Variants in ZNF777 observed in about 807,000 individuals in gnomAD.
ZNF777 encodes zinc finger protein 777.
A neutral mutation model predicts 72.1 loss-of-function variants in ZNF777; 7 were observed. That is an observed-to-expected ratio of 0.10 (90% confidence interval 0.06 to 0.18). ZNF777 has a LOEUF of 0.18. ZNF777 is among the 10% of genes least tolerant of loss of function. The pLI, the probability that ZNF777 is intolerant of heterozygous loss-of-function variation, is 1.00. For missense variants in ZNF777, 828 were observed against 1,128.6 expected, an observed-to-expected ratio of 0.73 and a Z score of 3.82; for synonymous variants, 545 against 483.5, an observed-to-expected ratio of 1.13 and a Z score of -1.67.
chr7:149,448,579 C>CTATATATAACTA (rs1799655303), intron 4 of ZNF777, among the ~76,000 whole-genome samples: 1 of 115,104 alleles, frequency 8.7e-6, no homozygotes, highest in Admixed American at 8.9e-5. Flanking sequence ...ATACATATAA[C>CTATATATAACTA]TATATATATA....
At chr7:149,438,577 T>G (rs1449370170) in intron 4 of ZNF777, among the ~76,000 whole-genome samples, 4 of 152,144 alleles carry the variant, frequency 2.6e-5, no homozygotes, top group African/African-American at 9.7e-5. Context: ...GAAAAAAACA[T>G]AGACCTTACA....
In ZNF777 at chr7:149,431,759, G is replaced by T. The variant is rs755647200; in HGVS notation, c.*17C>A. ...CGGCCCGCGCACCTGGCCGGGCGGCGGCGGCGGGGCGCGCGCTCACTCGCC... is the reference window on the plus strand; with the variant it reads ...CGGCCCGCGCACCTGGCCGGGCGGCTGCGGCGGGGCGCGCGCTCACTCGCC... On this transcript the variant is annotated 3_prime_UTR_variant, in exon 6 of 6. Transcript: ENST00000247930. 4.8e-6 allele frequency: 7 copies of T among 1,473,338 alleles called. No homozygotes were observed. Among genetic ancestry groups the T allele is most frequent in the African/African-American group, 2.9e-5 (2 of 67,912 alleles). 91.3% of individuals were successfully genotyped at this position (1,473,338 alleles called of 1,614,324 possible).
At chr7:149,438,999 C>T (rs1799463978) in intron 4 of ZNF777, among the ~76,000 whole-genome samples, 2 of 152,174 alleles carry the variant, frequency 1.3e-5, no homozygotes, top group South Asian at 4.1e-4. Context: ...GTCCTATTCT[C>T]TATTAAAAGG....
chr7:149,453,199 G>C (rs570699821), intron 3 of ZNF777, among the ~76,000 whole-genome samples: 11 of 152,246 alleles, frequency 7.2e-5, no homozygotes, highest in African/African-American at 2.6e-4. Flanking sequence ...CTGGGGAGTG[G>C]TACTGGTGAA....
Position 149,436,537 on chromosome 7 carries a change from T to C in ZNF777, c.1339+38A>G. 1 of 1,554,508 alleles carries C rather than the reference T, an allele frequency of 6.4e-7. No individual in the cohort carries two copies. The highest frequency in any genetic ancestry group is 1.3e-5 in the African/African-American group (1 of 74,252). On this transcript the variant is annotated intron_variant, in intron 5 of 5. Transcript: ENST00000247930. This position sits in a 1 kb window ranked among gnomAD's most constrained non-coding sequence, Gnocchi z 5.0. ...GGCAGGGGCCCTCTGGGAGGCCTCATGGCAACCCTTCCCCGGCCGTCCCCG... is the reference window on the plus strand; with the variant it reads ...GGCAGGGGCCCTCTGGGAGGCCTCACGGCAACCCTTCCCCGGCCGTCCCCG...
At chr7:149,459,872 G>T (rs1459068300) in intron 1 of ZNF777, 7 of 983,830 alleles carry the variant, frequency 7.1e-6, no homozygotes, top group Non-Finnish European at 8.4e-6. Flanking sequence ...CCCCACCTCG[G>T]GGCCGCGTGT....
intron 4 of ZNF777, among the ~76,000 whole-genome samples, chr7:149,447,259 A>C (rs993708075): frequency 1.3e-5 from 2 of 152,138 alleles, no homozygotes; most frequent in East Asian, 3.9e-4. Flanking sequence ...TGAGCAACCT[A>C]ATCTAACTCT....
In ZNF777 at chr7:149,455,905, G is replaced by A. The variant is rs1274809464; in HGVS notation, c.118C>T (p.Pro40Ser). The A allele has an allele frequency of 1.2e-6, 2 of 1,613,822 alleles. No homozygotes were observed. The highest frequency in any genetic ancestry group is 1.7e-6 in the Non-Finnish European group (2 of 1,180,016). The change falls in exon 2 of 6, where the codon CCC becomes TCC. Residue 40 changes from proline (P) to serine (S), a missense_variant. Physicochemically the swap from Pro to Ser is moderately conservative, Grantham distance 74. Around this residue, in one of 12 missense-constraint regions of ZNF777, gnomAD observed 222 missense variants for 211.2 expected, o/e 1.05. Coordinates refer to ENST00000247930, the MANE Select transcript of ZNF777 (RefSeq NM_015694.3). This position sits in a 1 kb window ranked among gnomAD's most constrained non-coding sequence, Gnocchi z 4.2. ...ETLFQSRVLPPKEIPSLSPTI... is the reference protein window; with the variant it reads ...ETLFQSRVLPSKEIPSLSPTI... ...GGAGACAAAGAAGGAATTTCTTTGG[G>A]AGGAAGAACGCGGGATTGGAACAGA... is the stretch of plus-strand genomic sequence containing the variant.
At chr7:149,447,712 A>G (rs10952812) in intron 4 of ZNF777, among the ~76,000 whole-genome samples, 26,158 of 152,142 alleles carry the variant, frequency 0.17, 2,773 homozygotes, top group East Asian at 0.45. Context: ...CCAGAGCCCT[A>G]CTTAGTCTTC....
chr7:149,440,952 G>A (rs887724144), intron 4 of ZNF777, among the ~76,000 whole-genome samples: 11 of 152,088 alleles, frequency 7.2e-5, no homozygotes, highest in Non-Finnish European at 1.3e-4. Context: ...AGCCTCTTCA[G>A]TGCTCTCAGC....
At chr7:149,437,903 G>T (rs1007864356) in intron 4 of ZNF777, among the ~76,000 whole-genome samples, 1 of 144,014 alleles carries the variant, frequency 6.9e-6, no homozygotes, top group Non-Finnish European at 1.5e-5. Flanking sequence ...TTTTTTAGAC[G>T]GAGTCTCGCT....
intron 3 of ZNF777, 35 bp from the exon 4 acceptor site, chr7:149,451,147 G>A: frequency 6.3e-7 from 1 of 1,580,284 alleles, no homozygotes; most frequent in Non-Finnish European, 8.7e-7. Flanking sequence ...TATGCTCTGG[G>A]ATGAGGTTGC....
rs187861503 is a variant in ZNF777 at position 149,452,026 on chromosome 7, G to T, written c.974-914C>A. Reference sequence around the variant, plus strand: ...CACGCCTGTAATCCCAGCACTTTGGGAGGCCGAGGCGGGCGGATCACAAGG... The same window carrying T: ...CACGCCTGTAATCCCAGCACTTTGGTAGGCCGAGGCGGGCGGATCACAAGG... On this transcript the variant is annotated intron_variant, in intron 3 of 5. Coordinates refer to ENST00000247930, the MANE Select transcript of ZNF777 (RefSeq NM_015694.3). 2.4e-3 allele frequency among the ~76,000 whole-genome samples: 368 copies of T among 152,268 alleles called. 2 individuals are homozygous for T. The highest frequency in any genetic ancestry group is 8.3e-3 in the African/African-American group (343 of 41,558).
At chr7:149,437,335 T>C (rs1799431379) in intron 4 of ZNF777, among the ~76,000 whole-genome samples, 1 of 152,136 alleles carries the variant, frequency 6.6e-6, no homozygotes, top group African/African-American at 2.4e-5. Context: ...AGCCAACCGG[T>C]ACAGTTAACA....
At position 149,454,250 on chromosome 7, in the gene ZNF777, A is replaced by G; in HGVS notation, c.847-13T>C. On this transcript the variant is annotated splice_polypyrimidine_tract_variant and intron_variant, in intron 2 of 5. Coordinates refer to ENST00000247930, the MANE Select transcript of ZNF777 (RefSeq NM_015694.3). ...ATGTGACAGGGACCTGAAACCACAC[A>G]ATAACTCGGCTCAGACCCGCTGGAA... is the stretch of plus-strand genomic sequence containing the variant. 1 of 1,613,888 alleles carries G rather than the reference A, an allele frequency of 6.2e-7. No individual in the cohort carries two copies. Among genetic ancestry groups the G allele is most frequent in the Non-Finnish European group, 8.5e-7 (1 of 1,179,920 alleles).
chr7:149,432,708 C>A lies in ZNF777; in HGVS notation c.1564G>T (p.Gly522Cys). 9 of 1,612,506 alleles carry A rather than the reference C, an allele frequency of 5.6e-6. No homozygotes were observed. Among genetic ancestry groups the A allele is most frequent in the Non-Finnish European group, 7.6e-6 (9 of 1,179,314 alleles). Reference protein sequence around the residue: ...AVKRLAPSVHGERHLSENRGA... With the variant: ...AVKRLAPSVHCERHLSENRGA... Reference sequence around the variant, plus strand: ...CGGTTCTCGCTCAGGTGCCGCTCACCGTGCACGGAGGGCGCCAGCCTTTTC... The same window carrying A: ...CGGTTCTCGCTCAGGTGCCGCTCACAGTGCACGGAGGGCGCCAGCCTTTTC... The change falls in exon 6 of 6, where the codon GGT (glycine) becomes TGT (cysteine). Residue 522 changes from glycine to cysteine, a missense_variant. Gly to Cys is a radical substitution (Grantham distance 159, BLOSUM62 -3). Around this residue, in one of 12 missense-constraint regions of ZNF777, gnomAD observed 219 missense variants for 223.0 expected, o/e 0.98. Transcript: ENST00000247930.
In ZNF777 at chr7:149,436,581, A is replaced by G. The variant is rs764813649; in HGVS notation, c.1333T>C (p.Cys445Arg). The part of the protein sequence containing the change: ...LKQMLVQQRN[C>R]TEGIVIKTEE... ...GTCCCCGCCCAGCACTCACCCGTGC[A>G]GTTCCTCTGCTGCACCAGCATCTGC... Residue 445 changes from cysteine to arginine, a missense_variant, in exon 5 of 6, where the codon TGC (cysteine) becomes CGC (arginine). By Grantham distance (180) the Cys-to-Arg change is radical (BLOSUM62 -3). Coordinates refer to ENST00000247930, the MANE Select transcript of ZNF777 (RefSeq NM_015694.3). The surrounding 1 kb of genome is among the most constrained non-coding windows in gnomAD (Gnocchi z 5.0). 5 of 1,603,160 alleles carry G rather than the reference A, an allele frequency of 3.1e-6. No individual in the cohort carries two copies. The highest frequency in any genetic ancestry group is 1.1e-5 in the South Asian group (1 of 90,842).
chr7:149,444,600 AAT>A (rs1799574186), intron 4 of ZNF777, among the ~76,000 whole-genome samples: 1 of 152,346 alleles, frequency 6.6e-6, no homozygotes, highest in East Asian at 1.9e-4. Flanking sequence ...TGGAGACTTG[AAT>A]ATCTCAAAAT....
intron 3 of ZNF777, among the ~76,000 whole-genome samples, chr7:149,453,041 A>G (rs1200903234): frequency 6.6e-6 from 1 of 152,188 alleles, no homozygotes; most frequent in African/African-American, 2.4e-5. Context: ...AACACTCTCT[A>G]TCCCCCTACA....
Sources: gnomAD v4.1 joint callset for allele counts (sites outside exome capture counted in the v4.1 genomes callset) on GRCh38, gnomAD v4.1.1 for gene constraint, gnomAD v4.1.1 regional missense constraint, Gnocchi (gnomAD v3.1) non-coding constraint, MANE v1.5 for transcripts, NCBI Gene and HGNC (gene_info 2026-07-23, HGNC 2026-07-21) for gene names.